Variants in ADGRB3 observed in about 807,000 individuals in gnomAD.
ADGRB3 encodes brain-specific angiogenesis inhibitor 3.
Under a neutral mutation model 193.4 loss-of-function variants are expected in ADGRB3, and 37 were observed. That is an observed-to-expected ratio of 0.19 (90% confidence interval 0.15 to 0.25). The LOEUF is 0.25. ADGRB3 is among the 10% of genes least tolerant of loss of function. The pLI is 1.00. For synonymous variants in ADGRB3, 690 were observed against 644.2 expected (o/e 1.07, Z -1.08); for missense variants, 1,637 against 1,852.9 (o/e 0.88, Z 2.14).
rs1561992584 is a variant in ADGRB3, at chr6:69,340,454, G to A, written c.3459+950G>A. On this transcript the variant is annotated intron_variant, in intron 26 of 31. Coordinates refer to ENST00000370598, the MANE Select transcript of ADGRB3 (RefSeq NM_001704.3). Reference sequence around the variant, plus strand: ...AGAAAACAGTCTACTCTGTCATTTTGCATTATCTAGCTTGTTTGAGAACTT... The same window carrying A: ...AGAAAACAGTCTACTCTGTCATTTTACATTATCTAGCTTGTTTGAGAACTT... Among the ~76,000 whole-genome samples the A allele has an allele frequency of 2.6e-5, 4 of 152,162 alleles. No individual in the cohort carries two copies. The East Asian group carries it at 5.8e-4, about 22-fold the overall frequency.
intron 11 of ADGRB3, among the ~76,000 whole-genome samples, chr6:68,997,264 A>G (rs1214667814): frequency 1.3e-5 from 2 of 152,280 alleles, no homozygotes; most frequent in East Asian, 1.9e-4. Context: ...GTGCATATGC[A>G]TATACTTTTT....
rs186169559 is a variant in ADGRB3, at chr6:69,388,968, A to C, written c.*77A>C. The C allele has an allele frequency of 1.5e-5, 21 of 1,399,392 alleles. No homozygotes were observed. The highest frequency in any genetic ancestry group is 2.0e-5 in the Non-Finnish European group (21 of 1,031,384). 86.7% of individuals were successfully genotyped at this position (1,399,392 alleles called of 1,614,324 possible). A position where few individuals can be genotyped will look rare whatever the true frequency, so the allele number is the denominator to read the frequency against. Reference sequence around the variant, plus strand: ...AAGACTTGGGAAGCCTGACATTTCTATCTGGACAGTGTGACTATCTTATGT... The same window carrying C: ...AAGACTTGGGAAGCCTGACATTTCTCTCTGGACAGTGTGACTATCTTATGT... On this transcript the variant is annotated 3_prime_UTR_variant, in exon 32 of 32. Coordinates refer to ENST00000370598, the MANE Select transcript of ADGRB3 (RefSeq NM_001704.3).
At chr6:69,374,130 C>T (rs937588758) in intron 30 of ADGRB3, among the ~76,000 whole-genome samples, 4 of 152,006 alleles carry the variant, frequency 2.6e-5, no homozygotes, top group Admixed American at 2.6e-4. Context: ...TGCATGATTA[C>T]TACAGGTGTC....
chr6:69,047,609 T>C (rs964525517), intron 13 of ADGRB3, among the ~76,000 whole-genome samples: 14 of 152,106 alleles, frequency 9.2e-5, no homozygotes, highest in South Asian at 6.2e-4. Flanking sequence ...ACATATTATT[T>C]TGGTTTTGCA....
intron 16 of ADGRB3, among the ~76,000 whole-genome samples, chr6:69,067,316 T>G (rs1389549987): frequency 6.6e-6 from 1 of 152,156 alleles, no homozygotes; most frequent in Non-Finnish European, 1.5e-5. Context: ...TTGCGTGCAT[T>G]CTAATAGCAT....
At chr6:69,281,333 A>G (rs1767431088) in intron 20 of ADGRB3, among the ~76,000 whole-genome samples, 1 of 152,202 alleles carries the variant, frequency 6.6e-6, no homozygotes, top group Non-Finnish European at 1.5e-5. Flanking sequence ...ACTGATTCAT[A>G]GAACATTAGT....
intron 17 of ADGRB3, among the ~76,000 whole-genome samples, chr6:69,132,158 G>C (rs969921135): frequency 2.0e-5 from 3 of 152,066 alleles, no homozygotes; most frequent in Admixed American, 6.5e-5. Context: ...GGGATTGCTG[G>C]GTCAAATGGT....
chr6:68,730,721 A>T (rs1765757728), intron 3 of ADGRB3, among the ~76,000 whole-genome samples: 1 of 151,726 alleles, frequency 6.6e-6, no homozygotes, highest in Non-Finnish European at 1.5e-5. Context: ...AATTTTCAAC[A>T]ACTCAGTTAT....
At chr6:69,280,912 G>A (rs993090482) in intron 20 of ADGRB3, among the ~76,000 whole-genome samples, 1 of 152,142 alleles carries the variant, frequency 6.6e-6, no homozygotes, top group African/African-American at 2.4e-5. Context: ...CTAATTCGCT[G>A]TAACAGGAAA....
chr6:68,788,400 A>G (rs1315418832), intron 3 of ADGRB3, among the ~76,000 whole-genome samples: 1 of 151,986 alleles, frequency 6.6e-6, no homozygotes, highest in Non-Finnish European at 1.5e-5. Flanking sequence ...TTCTGCCTTC[A>G]TTTCATTATT....
In ADGRB3 at chr6:69,209,990, AACC is replaced by A. The variant is rs1403604507; in HGVS notation, c.2481-23298_2481-23296del. The stretch of plus-strand genomic sequence containing the variant: ...AAGCAGCCAACTCCAGAAACCCCAA[AACC>A]AATGAAAGAACTCCATCCTTAATAC... On this transcript the variant is annotated intron_variant, in intron 17 of 31. Transcript: ENST00000370598. Among the ~76,000 whole-genome samples the A allele has an allele frequency of 1.7e-3, 259 of 151,112 alleles. 1 individual carries two copies. Among genetic ancestry groups the A allele is most frequent in the Non-Finnish European group, 2.7e-3 (183 of 67,782 alleles).
At chr6:68,664,834 G>A (rs981823090) in intron 3 of ADGRB3, among the ~76,000 whole-genome samples, 1 of 151,758 alleles carries the variant, frequency 6.6e-6, no homozygotes, top group Non-Finnish European at 1.5e-5. Context: ...ATTGCATAAG[G>A]GAGGGTGAAG....
chr6:68,967,952 G>T (rs752182604), intron 8 of ADGRB3, among the ~76,000 whole-genome samples: 3 of 152,142 alleles, frequency 2.0e-5, no homozygotes, highest in Admixed American at 6.5e-5. Flanking sequence ...CTCTGAGGTT[G>T]CAGTCGGCCT....
intron 26 of ADGRB3, among the ~76,000 whole-genome samples, chr6:69,348,437 A>T (rs1769153004): frequency 6.7e-6 from 1 of 149,654 alleles, no homozygotes; most frequent in Admixed American, 6.7e-5. Context: ...ACCTGAGATC[A>T]GGAGTTCAAG....
intron 20 of ADGRB3, among the ~76,000 whole-genome samples, chr6:69,290,753 C>G (rs1452110657): frequency 1.3e-5 from 2 of 152,132 alleles, no homozygotes; most frequent in South Asian, 4.1e-4. Context: ...ATATGTCTAT[C>G]ATATATAGCA....
chr6:69,339,339 T>A lies in ADGRB3; in HGVS notation c.3294T>A (p.Ser1098=). The part of the protein sequence containing the change: ...SATTASNAMA[S]LWSSCVVLPL... ...ACTTTCTTGGTCTCAACAGGGCGTC[T>A]CTTTGGAGCTCCTGTGTGGTGTTGC... The change falls in exon 26 of 32, where the codon TCT becomes TCA. Residue 1098 remains serine (S), a synonymous_variant. Transcript: ENST00000370598. 2 of 1,613,834 alleles carry A rather than the reference T, an allele frequency of 1.2e-6. No homozygotes were observed. Among genetic ancestry groups the A allele is most frequent in the Non-Finnish European group, 1.7e-6 (2 of 1,179,802 alleles).
intron 17 of ADGRB3, among the ~76,000 whole-genome samples, chr6:69,109,036 G>A (rs914994843): frequency 3.9e-5 from 6 of 152,152 alleles, no homozygotes; most frequent in Admixed American, 1.3e-4. Flanking sequence ...CTTGGATTTT[G>A]TTCTGAATGC....
chr6:69,225,559 A>C (rs533657372), intron 17 of ADGRB3, among the ~76,000 whole-genome samples: 1 of 152,286 alleles, frequency 6.6e-6, no homozygotes, highest in South Asian at 2.1e-4. Context: ...TCCTTAGGAA[A>C]GTCACAACCT....
At chr6:69,325,205 G>A (rs1768541837) in intron 21 of ADGRB3, among the ~76,000 whole-genome samples, 183 bp downstream of exon 21, 1 of 152,018 alleles carries the variant, frequency 6.6e-6, no homozygotes, top group South Asian at 2.1e-4. Flanking sequence ...AAGGAAGTAA[G>A]TATTGAATGC....
Sources: allele counts gnomAD v4.1 joint callset (sites outside exome capture counted in the v4.1 genomes callset), GRCh38; gene constraint gnomAD v4.1.1; transcripts MANE v1.5; gene names NCBI Gene and HGNC (gene_info 2026-07-23, HGNC 2026-07-21).